The following CHRNB1 variants were observed in gnomAD, a reference collection of about 807,000 sequenced individuals.
CHRNB1 encodes the protein acetylcholine receptor subunit beta.
CHRNB1 carries 47 observed loss-of-function variants against 53.8 expected under a neutral mutation model. The ratio of observed to expected loss-of-function variants is 0.87; its 90% confidence interval spans 0.69 to 1.11. The LOEUF is 1.11. CHRNB1 is among the 50% of genes most tolerant of loss of function. The pLI is 0.00. For synonymous variants in CHRNB1, 259 were observed against 263.5 expected (o/e 0.98, Z 0.16); for missense variants, 605 against 654.9 (o/e 0.92, Z 0.83).
In CHRNB1 at chr17:7,446,074, G is replaced by A; in HGVS notation, c.204G>A (p.Glu68=). Residue 68 remains glutamate (E), a synonymous_variant, in exon 3 of 11, where the codon GAG becomes GAA. Transcript: ENST00000306071. ...CTTAAATTTTTCCCTTCTAGAACGA[G>A]AAGGATGAAGAGATGAGCACAAAGG... ...LILAQLISLN[E]KDEEMSTKVY... 1 of 1,614,040 alleles carries A rather than the reference G, an allele frequency of 6.2e-7. No homozygotes were observed. Among genetic ancestry groups the A allele is most frequent in the Non-Finnish European group, 8.5e-7 (1 of 1,179,952 alleles).
chr17:7,446,634 C>T, intron 3 of CHRNB1, 199 bp from the exon 4 acceptor site: 6 of 601,354 alleles, frequency 1.0e-5, no homozygotes, highest in Middle Eastern at 4.4e-4. Context: ...TATTGAAACC[C>T]GGTGCGGGGG....
At chr17:7,455,235 G>C (rs768319367) in intron 8 of CHRNB1, 49 bp from the exon 9 acceptor site, 64 of 1,610,396 alleles carry the variant, frequency 4.0e-5, no homozygotes, top group Admixed American at 1.0e-4. Flanking sequence ...TTTCCCTTCT[G>C]GTCTGAAAGC....
chr17:7,457,693 A>G lies in CHRNB1; in HGVS notation c.*970A>G, dbSNP rs1389089276. On this transcript the variant is annotated 3_prime_UTR_variant, in exon 11 of 11. Transcript: ENST00000306071. The stretch of plus-strand genomic sequence containing the variant: ...TAATGTGTACTATCTCTGGGATTAA[A>G]AAAAGTTATTTCTACAAGCATGCAT... 6.6e-6 allele frequency: 1 copy of G among 152,224 alleles called. No individual in the cohort carries two copies. The highest frequency in any genetic ancestry group is 2.4e-5 in the African/African-American group (1 of 41,452). 9.4% of individuals were successfully genotyped at this position (152,224 alleles called of 1,614,324 possible). A position where few individuals can be genotyped will look rare whatever the true frequency, so the allele number is the denominator to read the frequency against.
At chr17:7,448,897 C>A in intron 7 of CHRNB1, 109 bp downstream of exon 7, 1 of 1,179,470 alleles carries the variant, frequency 8.5e-7, no homozygotes, top group Non-Finnish European at 1.2e-6. Context: ...ATAGATTGGG[C>A]TTCAGCAATC....
intron 5 of CHRNB1, 163 bp from the exon 6 acceptor site, chr17:7,447,340 C>G: frequency 2.1e-6 from 2 of 947,694 alleles, no homozygotes. Context: ...TCTAGTCTTA[C>G]TCAGTGACCG....
chr17:7,446,860 G>T lies in CHRNB1; in HGVS notation c.271G>T (p.Asp91Tyr), dbSNP rs755732708. Residue 91 changes from aspartate (D) to tyrosine (Y), a missense_variant, in exon 4 of 11, where the codon GAC becomes TAC. Coordinates refer to ENST00000306071, the MANE Select transcript of CHRNB1 (RefSeq NM_000747.3). ...LEWTDYRLSWDPAEHDGIDSL... is the reference protein window; with the variant it reads ...LEWTDYRLSWYPAEHDGIDSL... Reference sequence around the variant, plus strand: ...GTGGACTGACTACAGGCTGAGCTGGGACCCTGCGGAGCACGACGGCATCGA... The same window carrying T: ...GTGGACTGACTACAGGCTGAGCTGGTACCCTGCGGAGCACGACGGCATCGA... 9 of 1,613,856 alleles carry T rather than the reference G, an allele frequency of 5.6e-6. No individual in the cohort carries two copies.
intron 7 of CHRNB1, among the ~76,000 whole-genome samples, chr17:7,449,402 CTTTTTTTTTTT>C (rs769505757): frequency 1.1e-5 from 1 of 89,062 alleles, no homozygotes; most frequent in African/African-American, 5.0e-5. Context: ...AGGGCCCGAC[CTTTTTTTTTTT>C]TTTTTTTTTT....
intron 7 of CHRNB1, 118 bp downstream of exon 7, chr17:7,448,906 T>C (rs1908773876): frequency 9.2e-7 from 1 of 1,089,532 alleles, no homozygotes; most frequent in Non-Finnish European, 1.4e-6. Flanking sequence ...GCTTCAGCAA[T>C]CCCGCCCAGG....
chr17:7,445,154 G>T lies in CHRNB1; in HGVS notation c.27G>T (p.Leu9=), dbSNP rs1173633967. The T allele has an allele frequency of 6.2e-7, 1 of 1,608,834 alleles. No homozygotes were observed. The change falls in exon 1 of 11, where the codon CTG becomes CTT. Residue 9 remains leucine (L), a synonymous_variant. Transcript: ENST00000306071. This position sits in a 1 kb window ranked among gnomAD's most constrained non-coding sequence, Gnocchi z 5.7. ...TGACCCCAGGGGCTCTGCTGATGCT[G>T]CTGGGGGCGCTGGGGGCGCCGCTCG... is the stretch of plus-strand genomic sequence containing the variant. MTPGALLM[L]LGALGAPLAP...
chr17:7,456,751 C>T lies in CHRNB1; in HGVS notation c.*28C>T, dbSNP rs770407171. 6.2e-7 allele frequency: 1 copy of T among 1,614,098 alleles called. No homozygotes were observed. The stretch of plus-strand genomic sequence containing the variant: ...ACTGGAGGGTTGAGACCCAGGCCCC[C>T]TGCCAGTTGAAGTGAGAGTTTGGTG... On this transcript the variant is annotated 3_prime_UTR_variant, in exon 11 of 11. Coordinates refer to ENST00000306071, the MANE Select transcript of CHRNB1 (RefSeq NM_000747.3).
rs2069959563 is a variant in CHRNB1, at chr17:7,457,029, G to A, written c.*306G>A. On this transcript the variant is annotated 3_prime_UTR_variant, in exon 11 of 11. Coordinates refer to ENST00000306071, the MANE Select transcript of CHRNB1 (RefSeq NM_000747.3). ...TATAAGCCTTATGAGGTCAAGAAAT[G>A]TGACTTGGCCGGGCGCGGTGGCTCA... 1 of 375,938 alleles carries A rather than the reference G, an allele frequency of 2.7e-6. No homozygotes were observed. Among genetic ancestry groups the A allele is most frequent in the Non-Finnish European group, 5.0e-6 (1 of 199,460 alleles). 23.3% of individuals were successfully genotyped at this position (375,938 alleles called of 1,614,324 possible).
chr17:7,447,104 G>T lies in CHRNB1; in HGVS notation c.415G>T (p.Val139Leu). 1.2e-6 allele frequency: 2 copies of T among 1,614,110 alleles called. No individual in the cohort carries two copies. The highest frequency in any genetic ancestry group is 1.7e-6 in the Non-Finnish European group (2 of 1,180,020). Reference protein sequence around the residue: ...ISVVVSSDGSVRWQPPGIYRS... With the variant: ...ISVVVSSDGSLRWQPPGIYRS... Reference sequence around the variant, plus strand: ...CGTCGTGGTGTCCTCCGACGGCTCCGTGCGTTGGCAACCCCCGGGCATCTA... The same window carrying T: ...CGTCGTGGTGTCCTCCGACGGCTCCTTGCGTTGGCAACCCCCGGGCATCTA... The change falls in exon 5 of 11, where the codon GTG (valine) becomes TTG (leucine). Residue 139 changes from valine (V) to leucine (L), a missense_variant. Transcript: ENST00000306071.
At chr17:7,449,310 A>G (rs1236045347) in intron 7 of CHRNB1, among the ~76,000 whole-genome samples, 2 of 150,752 alleles carry the variant, frequency 1.3e-5, no homozygotes, top group Non-Finnish European at 1.5e-5. Flanking sequence ...TCACCGTGTT[A>G]GCCAGAATGG....
intron 7 of CHRNB1, among the ~76,000 whole-genome samples, chr17:7,449,814 G>T (rs1908815725): frequency 6.6e-6 from 1 of 151,894 alleles, no homozygotes; most frequent in Non-Finnish European, 1.5e-5. Context: ...GGAGGCCGAG[G>T]TGGGTGGATC....
chr17:7,447,464 G>T, intron 5 of CHRNB1, 39 bp from the exon 6 acceptor site: 1 of 1,613,654 alleles, frequency 6.2e-7, no homozygotes, highest in Admixed American at 1.7e-5. Context: ...AGCGCTGACT[G>T]GTTCTCTGGC....
At chr17:7,446,963 C>T (rs756198240) in intron 4 of CHRNB1, 21 bp downstream of exon 4, 3 of 783,186 alleles carry the variant, frequency 3.8e-6, no homozygotes, top group Non-Finnish European at 4.1e-6. Context: ...TTCCAAAGCC[C>T]GGGAGGTGGC....
Position 7,445,258 on chromosome 17 carries a change from C to G in CHRNB1, c.59-12C>G. ...CAGGCACCAGGGCTGCACTTATTCT[C>G]TCCTCCCCCAGGCGTCCGCGGCTCG... is the stretch of plus-strand genomic sequence containing the variant. On this transcript the variant is annotated splice_polypyrimidine_tract_variant and intron_variant, in intron 1 of 10. Coordinates refer to ENST00000306071, the MANE Select transcript of CHRNB1 (RefSeq NM_000747.3). This position sits in a 1 kb window ranked among gnomAD's most constrained non-coding sequence, Gnocchi z 5.7. The G allele has an allele frequency of 1.2e-6, 2 of 1,612,616 alleles. No individual in the cohort carries two copies. Among genetic ancestry groups the G allele is most frequent in the East Asian group, 4.5e-5 (2 of 44,864 alleles).
At chr17:7,450,457 C>T (rs1908846373) in intron 7 of CHRNB1, among the ~76,000 whole-genome samples, 2 of 152,196 alleles carry the variant, frequency 1.3e-5, no homozygotes, top group South Asian at 4.1e-4. Flanking sequence ...TCCTTAATCC[C>T]TATGTGTCTC....
rs1277653074 is a variant in CHRNB1, at chr17:7,455,335, G to A, written c.1096G>A (p.Glu366Lys). The A allele has an allele frequency of 6.2e-7, 1 of 1,614,090 alleles. No individual in the cohort carries two copies. The highest frequency in any genetic ancestry group is 8.5e-7 in the Non-Finnish European group (1 of 1,180,014). Residue 366 changes from glutamate (E) to lysine (K), a missense_variant, in exon 9 of 11, where the codon GAG becomes AAG. Physicochemically the swap from Glu to Lys is moderately conservative, Grantham distance 56 (BLOSUM62 1). Coordinates refer to ENST00000306071, the MANE Select transcript of CHRNB1 (RefSeq NM_000747.3). ...CCTGCGTCTAAAAAGGCCCAAACCC[G>A]AGAGAGACCTGATGCCGGAGCCCCC... ...LYLRLKRPKP[E>K]RDLMPEPPHC...
Sources: allele counts gnomAD v4.1 joint callset (sites outside exome capture counted in the v4.1 genomes callset), GRCh38; gene constraint gnomAD v4.1.1; non-coding constraint Gnocchi (gnomAD v3.1); transcripts MANE v1.5; gene names NCBI Gene and HGNC (gene_info 2026-07-23, HGNC 2026-07-21).